The following ARHGEF12 variants were observed in gnomAD, a reference collection of about 807,000 sequenced individuals.
ARHGEF12 encodes the protein KMT2A/ARHGEF12 fusion protein.
ARHGEF12 carries 66 observed loss-of-function variants against 211.2 expected under a neutral mutation model. That is an observed-to-expected ratio of 0.31 (90% CI 0.26 to 0.38). The LOEUF (loss-of-function observed/expected upper bound fraction) is 0.38, where lower values mean the gene tolerates loss of function less well. Among genes scored for constraint, ARHGEF12 ranks in the 10% least tolerant of loss-of-function variants. The pLI is 1.00. For synonymous variants in ARHGEF12, 592 were observed against 638.4 expected (o/e 0.93, Z 1.09); for missense variants, 1,429 against 1,869.5 (o/e 0.76, Z 4.34).
chr11:120,397,733 CT>C (rs1458561657), intron 1 of ARHGEF12, among the ~76,000 whole-genome samples: 1 of 152,152 alleles, frequency 6.6e-6, no homozygotes, highest in Admixed American at 6.6e-5. Flanking sequence ...TGTGAGGGAC[CT>C]CTTTTAAACC....
At chr11:120,344,878 C>T (rs1282206264) in intron 1 of ARHGEF12, among the ~76,000 whole-genome samples, 1 of 152,184 alleles carries the variant, frequency 6.6e-6, no homozygotes, top group Admixed American at 6.5e-5. Flanking sequence ...TAAAGTGTTA[C>T]TCTATTAAAC....
chr11:120,432,058 T>C, intron 11 of ARHGEF12, 147 bp downstream of exon 11: 1 of 741,590 alleles, frequency 1.3e-6, no homozygotes, highest in Non-Finnish European at 1.9e-6. Context: ...TAAACAGAAA[T>C]CTGGTTACTG....
chr11:120,454,077 C>G (rs1391958384), intron 22 of ARHGEF12, among the ~76,000 whole-genome samples: 1 of 152,016 alleles, frequency 6.6e-6, no homozygotes, highest in Non-Finnish European at 1.5e-5. Context: ...GCTTGGAGTT[C>G]TGACATTTGG....
intron 1 of ARHGEF12, among the ~76,000 whole-genome samples, chr11:120,405,427 C>T (rs1944670515): frequency 6.6e-6 from 1 of 152,092 alleles, no homozygotes; most frequent in South Asian, 2.1e-4. Flanking sequence ...TGCTGTAGTT[C>T]TTTCAGCTTA....
intron 23 of ARHGEF12, 97 bp from the exon 24 acceptor site, chr11:120,457,624 A>C (rs559189090): frequency 8.6e-4 from 698 of 811,168 alleles, no homozygotes; most frequent in Non-Finnish European, 1.2e-3. Context: ...ATTATTTATC[A>C]AGCTGCTGGA....
intron 1 of ARHGEF12, among the ~76,000 whole-genome samples, chr11:120,386,440 A>G (rs1944032053): frequency 1.3e-5 from 2 of 152,128 alleles, no homozygotes; most frequent in African/African-American, 4.8e-5. Flanking sequence ...GAAGCGTACT[A>G]TGGAGCTTTC....
chr11:120,423,442 T>G (rs900087331), intron 6 of ARHGEF12, among the ~76,000 whole-genome samples: 3 of 152,150 alleles, frequency 2.0e-5, no homozygotes, highest in Non-Finnish European at 4.4e-5. Context: ...TGAAGTCGTG[T>G]GTACAGGGAA....
rs1946970750 is a variant in ARHGEF12, at chr11:120,474,542, TTTTC to T, written c.3034-14_3034-11del. On this transcript the variant is annotated splice_polypyrimidine_tract_variant and intron_variant, in intron 31 of 40. Coordinates refer to ENST00000397843, the MANE Select transcript of ARHGEF12 (RefSeq NM_015313.3). ...GTGCTTGGAAATTATTTGTGCATGATTTTCTTTATTTTGCCAGAATTTGGATTTA... is the reference window on the plus strand; with the variant it reads ...GTGCTTGGAAATTATTTGTGCATGATTTTATTTTGCCAGAATTTGGATTTA... The T allele has an allele frequency of 2.5e-6, 4 of 1,594,794 alleles. No homozygotes were observed. The highest frequency in any genetic ancestry group is 2.6e-6 in the Non-Finnish European group (3 of 1,165,902).
In ARHGEF12 at chr11:120,418,769, C is replaced by T. The variant is rs149642210; in HGVS notation, c.200-1984C>T. 2.4e-3 allele frequency among the ~76,000 whole-genome samples: 364 copies of T among 152,204 alleles called. 8 individuals carry two copies. The highest frequency in any genetic ancestry group is 0.024 in the Middle Eastern group (7 of 294). On this transcript the variant is annotated intron_variant, in intron 4 of 40. Coordinates refer to ENST00000397843, the MANE Select transcript of ARHGEF12 (RefSeq NM_015313.3). ...GTGGTTTTAATTTGTATTTTCCTGA[C>T]GACTGCAGCTGTTAAGCACCTTTAC...
Position 120,489,300 on chromosome 11 carries a change from G to A in ARHGEF12, c.*4223G>A, listed in dbSNP as rs959600094. On this transcript the variant is annotated 3_prime_UTR_variant, in exon 41 of 41. Transcript: ENST00000397843. The stretch of plus-strand genomic sequence containing the variant: ...ATCATATAATTCATCCATTTAAAGT[G>A]TATAATCAGATGGGTTTTGGTATAT... 5 of 225,908 alleles carry A rather than the reference G, an allele frequency of 2.2e-5. No homozygotes were observed. Among genetic ancestry groups the A allele is most frequent in the African/African-American group, 1.1e-4 (5 of 44,874 alleles). The allele number at this position is 225,908 out of a possible 1,614,324, so 14.0% of individuals were successfully genotyped here. A position where few individuals can be genotyped will look rare whatever the true frequency, so the allele number is the denominator to read the frequency against.
chr11:120,448,971 C>G (rs1239197055), intron 20 of ARHGEF12, 138 bp from the exon 21 acceptor site: 1 of 660,664 alleles, frequency 1.5e-6, no homozygotes, highest in Non-Finnish European at 2.6e-6. Flanking sequence ...AATTAGTGCT[C>G]TGTGTGCATA....
chr11:120,344,966 C>G (rs1444645679), intron 1 of ARHGEF12, among the ~76,000 whole-genome samples: 1 of 151,878 alleles, frequency 6.6e-6, no homozygotes, highest in Non-Finnish European at 1.5e-5. Flanking sequence ...TTTTTCCTTT[C>G]TTTCAATGCT....
At position 120,468,425 on chromosome 11, in the gene ARHGEF12, A is replaced by G. The variant is rs573265115; in HGVS notation, c.2855-863A>G. 6.6e-5 allele frequency among the ~76,000 whole-genome samples: 10 copies of G among 152,284 alleles called. No individual in the cohort carries two copies. In the East Asian group the frequency reaches 1.2e-3, roughly 18 times the overall value. On this transcript the variant is annotated intron_variant, in intron 29 of 40. Transcript: ENST00000397843. Reference sequence around the variant, plus strand: ...GTATTATAGACATGACATAGCCTCAATACGTTTTGTCTTGTTTTGTTTTGT... The same window carrying G: ...GTATTATAGACATGACATAGCCTCAGTACGTTTTGTCTTGTTTTGTTTTGT...
intron 1 of ARHGEF12, among the ~76,000 whole-genome samples, chr11:120,363,740 T>C (rs1244924116): frequency 6.6e-6 from 1 of 152,218 alleles, no homozygotes; most frequent in East Asian, 1.9e-4. Context: ...CTTTCCCTTA[T>C]TATGGACTTC....
At chr11:120,440,318 T>A in intron 13 of ARHGEF12, 97 bp downstream of exon 13, 1 of 1,025,000 alleles carries the variant, frequency 9.8e-7, no homozygotes, top group Non-Finnish European at 1.5e-6. Flanking sequence ...AGATAACATT[T>A]GTAAGGATTT....
chr11:120,469,512 A>G, intron 30 of ARHGEF12, 124 bp downstream of exon 30: 1 of 827,086 alleles, frequency 1.2e-6, no homozygotes, highest in South Asian at 2.1e-5. Context: ...ACATTTGTTT[A>G]CTGTTCGCAT....
At position 120,437,340 on chromosome 11, in the gene ARHGEF12, T is replaced by C. The variant is rs1945724121; in HGVS notation, c.957T>C (p.Tyr319=). The C allele has an allele frequency of 1.2e-6, 2 of 1,613,062 alleles. No homozygotes were observed. The highest frequency in any genetic ancestry group is 8.5e-7 in the Non-Finnish European group (1 of 1,179,578). ...SPKSGPKERI[Y]LEENPEKSET... is the part of the protein sequence containing the mutation. ...AGAGTGGCCCAAAAGAGAGAATTTATCTAGAGGAAAACCCAGAGAAAAGTG... is the reference window on the plus strand; with the variant it reads ...AGAGTGGCCCAAAAGAGAGAATTTACCTAGAGGAAAACCCAGAGAAAAGTG... Residue 319 remains tyrosine, a synonymous_variant, in exon 12 of 41, where the codon TAT becomes TAC. Coordinates refer to ENST00000397843, the MANE Select transcript of ARHGEF12 (RefSeq NM_015313.3).
chr11:120,352,338 C>T (rs982164656), intron 1 of ARHGEF12, among the ~76,000 whole-genome samples: 2 of 151,982 alleles, frequency 1.3e-5, no homozygotes, highest in Admixed American at 6.6e-5. Context: ...TTTTAAAGTC[C>T]TTTTAAGAAG....
Position 120,336,986 on chromosome 11 carries a change from TTC to T in ARHGEF12, c.-252_-251del. ...TTTATCCTTGTGCCTTCTGGAGGATTTCTCTCTAGCTCGACTCACTCTGGACT... is the reference window on the plus strand; with the variant it reads ...TTTATCCTTGTGCCTTCTGGAGGATTTCTCTAGCTCGACTCACTCTGGACT... On this transcript the variant is annotated 5_prime_UTR_variant, in exon 1 of 41. Transcript: ENST00000397843. 1 of 501,126 alleles carries T rather than the reference TTC, an allele frequency of 2.0e-6. No individual in the cohort carries two copies. The highest frequency in any genetic ancestry group is 3.2e-5 in the South Asian group (1 of 31,476). The allele number at this position is 501,126 out of a possible 1,614,324, so 31.0% of individuals were successfully genotyped here. A position where few individuals can be genotyped will look rare whatever the true frequency, so the allele number is the denominator to read the frequency against.
Sources: gnomAD v4.1 joint callset for allele counts (sites outside exome capture counted in the v4.1 genomes callset) on GRCh38, gnomAD v4.1.1 for gene constraint, MANE v1.5 for transcripts, NCBI Gene and HGNC (gene_info 2026-07-23, HGNC 2026-07-21) for gene names.